Variants in NRG3 observed in about 807,000 individuals in gnomAD.
The protein encoded by NRG3 is pro-neuregulin-3, membrane-bound isoform.
In NRG3, 31 loss-of-function variants were observed where a neutral mutation model predicts 66.9. The ratio of observed to expected loss-of-function variants is 0.46; its 90% CI spans 0.35 to 0.63. NRG3 has a LOEUF of 0.63. NRG3 is among the 20% of genes least tolerant of loss of function. The pLI, the probability that NRG3 is intolerant of heterozygous loss-of-function variation, is 0.00. For missense variants in NRG3, 910 were observed against 878.9 expected (o/e 1.04, Z -0.45); for synonymous variants, 393 against 359.4 (o/e 1.09, Z -1.06).
At chr10:82,446,729 C>A (rs570822960) in intron 2 of NRG3, among the ~76,000 whole-genome samples, 2 of 152,240 alleles carry the variant, frequency 1.3e-5, no homozygotes, top group African/African-American at 4.8e-5. Context: ...TGCAGTAAAC[C>A]ACCATGGTAC....
At chr10:82,950,729 C>T (rs367980952) in intron 4 of NRG3, among the ~76,000 whole-genome samples, 10 of 152,208 alleles carry the variant, frequency 6.6e-5, no homozygotes, top group East Asian at 1.9e-4. Flanking sequence ...CTGGGTTCTA[C>T]GGATACAAAG....
intron 2 of NRG3, among the ~76,000 whole-genome samples, chr10:82,718,109 A>G (rs937587204): frequency 3.9e-5 from 6 of 152,274 alleles, no homozygotes; most frequent in Admixed American, 2.6e-4. Context: ...AGAGGACGAG[A>G]TCCACATATA....
intron 2 of NRG3, among the ~76,000 whole-genome samples, chr10:82,373,950 G>C (rs2085052194): frequency 6.6e-6 from 1 of 152,092 alleles, no homozygotes; most frequent in Admixed American, 6.6e-5. Flanking sequence ...TGATTCCTTT[G>C]TGAGCAAAAC....
intron 3 of NRG3, among the ~76,000 whole-genome samples, chr10:82,779,389 C>T (rs1216086142): frequency 1.3e-5 from 2 of 152,126 alleles, no homozygotes; most frequent in Admixed American, 1.3e-4. Flanking sequence ...TGCAGCCCTT[C>T]TGAGTTTCTG....
chr10:82,660,037 A>C (rs1206106153), intron 2 of NRG3, among the ~76,000 whole-genome samples: 1 of 151,446 alleles, frequency 6.6e-6, no homozygotes, highest in African/African-American at 2.4e-5. Flanking sequence ...CTCTACTAAA[A>C]ATACAAAAAT....
chr10:82,547,471 GTATA>G (rs1263170536), intron 2 of NRG3, among the ~76,000 whole-genome samples: 1 of 147,722 alleles, frequency 6.8e-6, no homozygotes, highest in Non-Finnish European at 1.5e-5. Flanking sequence ...ATGTATATAT[GTATA>G]TATATTCCAG....
chr10:81,912,298 C>T (rs1272024198), intron 1 of NRG3, among the ~76,000 whole-genome samples: 7 of 152,190 alleles, frequency 4.6e-5, no homozygotes, highest in African/African-American at 7.2e-5. Context: ...CATAGCTCAC[C>T]GTAGCCTGAA....
At chr10:82,128,845 C>T (rs1252121871) in intron 1 of NRG3, among the ~76,000 whole-genome samples, 1 of 151,908 alleles carries the variant, frequency 6.6e-6, no homozygotes, top group Non-Finnish European at 1.5e-5. Flanking sequence ...AACATTTCAG[C>T]CAATAATAAC....
chr10:81,913,225 T>C (rs1213615580), intron 1 of NRG3, among the ~76,000 whole-genome samples: 2 of 152,186 alleles, frequency 1.3e-5, no homozygotes, highest in Non-Finnish European at 2.9e-5. Context: ...GAAGCTATAA[T>C]GGAGCTTCAA....
chr10:81,876,265 C>G, intron 1 of NRG3, 102 bp downstream of exon 1: 1 of 1,440,156 alleles, frequency 6.9e-7, no homozygotes, highest in Non-Finnish European at 9.3e-7. Flanking sequence ...AAGCCCCCTC[C>G]CCCATCCCAG....
At chr10:82,671,546 G>A (rs1554991717) in intron 2 of NRG3, among the ~76,000 whole-genome samples, 3 of 152,180 alleles carry the variant, frequency 2.0e-5, no homozygotes, top group African/African-American at 2.4e-5. Flanking sequence ...GCTGAACAGG[G>A]TGCAGAGCTT....
At chr10:82,263,054 A>C (rs1187547739) in intron 1 of NRG3, among the ~76,000 whole-genome samples, 1 of 152,210 alleles carries the variant, frequency 6.6e-6, no homozygotes, top group Non-Finnish European at 1.5e-5. Flanking sequence ...ATAAAAAATA[A>C]AATAAAATTT....
intron 2 of NRG3, among the ~76,000 whole-genome samples, chr10:82,593,290 T>C (rs2047086899): frequency 6.6e-6 from 1 of 152,208 alleles, no homozygotes; most frequent in South Asian, 2.1e-4. Flanking sequence ...GCCTTGCTAT[T>C]GATCTTACTG....
intron 1 of NRG3, among the ~76,000 whole-genome samples, chr10:82,302,600 A>G (rs2080467499): frequency 6.6e-6 from 1 of 152,130 alleles, no homozygotes; most frequent in South Asian, 2.1e-4. Context: ...AGGGCAATAC[A>G]ATTTCACATC....
chr10:82,347,441 A>G (rs1247990930), intron 1 of NRG3, among the ~76,000 whole-genome samples: 1 of 152,066 alleles, frequency 6.6e-6, no homozygotes, highest in Non-Finnish European at 1.5e-5. Context: ...ACAGTTTGTT[A>G]TAATCTCTGT....
At chr10:81,990,865 AT>A (rs1179690841) in intron 1 of NRG3, among the ~76,000 whole-genome samples, 2 of 152,182 alleles carry the variant, frequency 1.3e-5, no homozygotes, top group Non-Finnish European at 2.9e-5. Context: ...ATTAAAAAAA[AT>A]AAACCTAGTA....
chr10:82,405,910 AT>A (rs917299209), intron 2 of NRG3, among the ~76,000 whole-genome samples: 3 of 151,270 alleles, frequency 2.0e-5, no homozygotes, highest in African/African-American at 2.4e-5. Flanking sequence ...TGCTTGAATC[AT>A]TTTTTTTTCT....
At chr10:82,968,063 A>C (rs187341893) in intron 6 of NRG3, among the ~76,000 whole-genome samples, 1 of 152,198 alleles carries the variant, frequency 6.6e-6, no homozygotes, top group South Asian at 2.1e-4. Flanking sequence ...GTGCCCTTCA[A>C]CCTCAATTAT....
Position 82,392,905 on chromosome 10 carries a change from G to T in NRG3, c.953+34037G>T, listed in dbSNP as rs1261677859. Among the ~76,000 whole-genome samples the T allele has an allele frequency of 6.3e-4, 68 of 107,784 alleles. 1 individual carries two copies. Among genetic ancestry groups the T allele is most frequent in the African/African-American group, 2.5e-4 (5 of 20,164 alleles). 70.7% of individuals were successfully genotyped at this position (107,784 alleles called of 152,430 possible). On this transcript the variant is annotated intron_variant, in intron 2 of 8. Transcript: ENST00000372141. ...ATATATATATATATATATATTTTTT[G>T]CAGGCTTCATATGATTTTAGTGACA...
Sources: gnomAD v4.1 joint callset for allele counts (sites outside exome capture counted in the v4.1 genomes callset) on GRCh38, gnomAD v4.1.1 for gene constraint, MANE v1.5 for transcripts, NCBI Gene and HGNC (gene_info 2026-07-23, HGNC 2026-07-21) for gene names.